AKT3: variants seen among roughly 807,000 people sequenced by gnomAD.
AKT3 encodes AKT serine/threonine kinase 3.
In AKT3, 15 loss-of-function variants were observed where a neutral mutation model predicts 65.3. That is an observed-to-expected ratio of 0.23 (90% CI 0.15 to 0.35). The LOEUF is 0.35. AKT3 is among the 10% of genes least tolerant of loss of function. AKT3 has a pLI of 1.00. For synonymous variants in AKT3, 206 were observed against 183.8 expected, an observed-to-expected ratio of 1.12 and a Z score of -0.98; for missense variants, 243 against 576.5, an observed-to-expected ratio of 0.42 and a Z score of 5.92.
intron 2 of AKT3, among the ~76,000 whole-genome samples, chr1:243,744,704 A>G (rs1000295548): frequency 6.8e-6 from 1 of 146,982 alleles, no homozygotes; most frequent in Non-Finnish European, 1.5e-5. Flanking sequence ...GCGCCCCTGC[A>G]CTCCAGCCTG....
At chr1:243,646,466 T>G (rs1344678483) in intron 4 of AKT3, among the ~76,000 whole-genome samples, 1 of 152,100 alleles carries the variant, frequency 6.6e-6, no homozygotes, top group Non-Finnish European at 1.5e-5. Flanking sequence ...GTGATTCTCC[T>G]GTCTCAGCCT....
intron 3 of AKT3, among the ~76,000 whole-genome samples, chr1:243,690,406 AT>A (rs1389828043): frequency 1.3e-5 from 2 of 152,188 alleles, no homozygotes; most frequent in Non-Finnish European, 2.9e-5. Context: ...ATCCTATATT[AT>A]TTTTTAAAGT....
chr1:243,701,164 T>C lies in AKT3; in HGVS notation c.47-5448A>G, dbSNP rs150274801. Among the ~76,000 whole-genome samples, 18 of 152,348 alleles carry C rather than the reference T, an allele frequency of 1.2e-4. 1 individual carries two copies. The East Asian group carries it at 3.5e-3, about 29-fold the overall frequency. On this transcript the variant is annotated intron_variant, in intron 2 of 13. Transcript: ENST00000673466. ...GGCAGAAGCTAGAAGTGTACATCTC[T>C]GGACTAAACAGTGATTGATTAAAAT...
chr1:243,491,321 TTTC>T (rs1288395485), intron 13 of AKT3, among the ~76,000 whole-genome samples: 7 of 152,240 alleles, frequency 4.6e-5, no homozygotes, highest in African/African-American at 1.4e-4. Flanking sequence ...CAGGTCTTTC[TTTC>T]TTCTTTTGCC....
intron 2 of AKT3, among the ~76,000 whole-genome samples, chr1:243,697,167 A>G (rs915443324): frequency 1.3e-5 from 2 of 152,050 alleles, no homozygotes; most frequent in African/African-American, 2.4e-5. Flanking sequence ...TTGAAAATAA[A>G]TTTATTACAT....
At chr1:243,784,091 T>C (rs1025565836) in intron 2 of AKT3, among the ~76,000 whole-genome samples, 1 of 152,058 alleles carries the variant, frequency 6.6e-6, no homozygotes, top group Non-Finnish European at 1.5e-5. Flanking sequence ...ATAAATGCTA[T>C]GAAAACAAAA....
At chr1:243,813,488 TA>T (rs1269429524) in intron 2 of AKT3, among the ~76,000 whole-genome samples, 13 of 125,740 alleles carry the variant, frequency 1.0e-4, no homozygotes, top group South Asian at 2.5e-4. Flanking sequence ...CCTATGGAAA[TA>T]AAAAAAAAAG....
chr1:243,808,313 A>C (rs1044597694), intron 2 of AKT3: 1 of 152,186 alleles, frequency 6.6e-6, no homozygotes, highest in Admixed American at 6.5e-5. Context: ...AACTAGAATA[A>C]CCAATGCAGA....
chr1:243,489,563 G>A (rs1665871910), intron 13 of AKT3, among the ~76,000 whole-genome samples: 1 of 152,196 alleles, frequency 6.6e-6, no homozygotes, highest in Non-Finnish European at 1.5e-5. Flanking sequence ...TAGCAAAGTC[G>A]TCTTGAATGG....
chr1:243,810,103 C>T (rs574740876), intron 2 of AKT3, among the ~76,000 whole-genome samples: 36 of 151,672 alleles, frequency 2.4e-4, no homozygotes, highest in Non-Finnish European at 1.5e-5. Flanking sequence ...ACTGACATCA[C>T]AATTAAAAGA....
chr1:243,584,853 C>T (rs530456492), intron 8 of AKT3, among the ~76,000 whole-genome samples: 1 of 152,250 alleles, frequency 6.6e-6, no homozygotes, highest in African/African-American at 2.4e-5. Flanking sequence ...TATGGATGCC[C>T]CCTCTCACCA....
chr1:243,828,800 G>A (rs1694328187), intron 2 of AKT3, among the ~76,000 whole-genome samples: 1 of 152,112 alleles, frequency 6.6e-6, no homozygotes, highest in South Asian at 2.1e-4. Flanking sequence ...TGACCGTGCA[G>A]GTGGTCTGTG....
At chr1:243,584,993 A>G (rs1453307738) in intron 8 of AKT3, among the ~76,000 whole-genome samples, 1 of 152,076 alleles carries the variant, frequency 6.6e-6, no homozygotes, top group African/African-American at 2.4e-5. Flanking sequence ...TTCGATACTC[A>G]GGAAACCCTA....
In AKT3 at chr1:243,633,785, C is replaced by T. The variant is rs567629755; in HGVS notation, c.561+3826G>A. The stretch of plus-strand genomic sequence containing the variant: ...AAAGGACCGAAGTCAGTCCTTATCA[C>T]GACTCACTTTAAACATAAATGGACT... On this transcript the variant is annotated intron_variant, in intron 6 of 13. Coordinates refer to ENST00000673466, the MANE Select transcript of AKT3 (RefSeq NM_005465.7). Among the ~76,000 whole-genome samples, 20 of 152,126 alleles carry T rather than the reference C, an allele frequency of 1.3e-4. No homozygotes were observed. The East Asian group carries it at 3.8e-3, about 29-fold the overall frequency.
chr1:243,843,176 C>T lies in AKT3; in HGVS notation c.-6G>A. The T allele has an allele frequency of 6.2e-7, 1 of 1,613,018 alleles. No homozygotes were observed. Among genetic ancestry groups the T allele is most frequent in the Non-Finnish European group, 8.5e-7 (1 of 1,179,468 alleles). On this transcript the variant is annotated 5_prime_UTR_variant, in exon 2 of 14. Coordinates refer to ENST00000673466, the MANE Select transcript of AKT3 (RefSeq NM_005465.7). Reference sequence around the variant, plus strand: ...ACAATGGTAACATCGCTCATGATGACTCCCCTCTGAGCCCCCAACTTGGAG... The same window carrying T: ...ACAATGGTAACATCGCTCATGATGATTCCCCTCTGAGCCCCCAACTTGGAG...
At chr1:243,809,464 A>G (rs1008525657) in intron 2 of AKT3, among the ~76,000 whole-genome samples, 6 of 152,248 alleles carry the variant, frequency 3.9e-5, no homozygotes, top group African/African-American at 1.2e-4. Flanking sequence ...AAAGGGATCA[A>G]TTCAACAAGA....
chr1:243,524,616 A>G (rs940904081), intron 12 of AKT3, among the ~76,000 whole-genome samples: 4 of 152,252 alleles, frequency 2.6e-5, no homozygotes, highest in Non-Finnish European at 5.9e-5. Flanking sequence ...GCTCTTTAGA[A>G]GGTTGCACAA....
At chr1:243,679,884 G>A (rs915688237) in intron 3 of AKT3, among the ~76,000 whole-genome samples, 1 of 152,104 alleles carries the variant, frequency 6.6e-6, no homozygotes, top group Admixed American at 6.6e-5. Context: ...CAGTAAATCT[G>A]TAAATAATAC....
intron 2 of AKT3, among the ~76,000 whole-genome samples, chr1:243,776,349 G>A (rs1380949966): frequency 2.6e-5 from 4 of 152,126 alleles, no homozygotes; most frequent in Non-Finnish European, 5.9e-5. Flanking sequence ...ATGTTGAAAC[G>A]CTAACCCCCT....
Sources: allele counts gnomAD v4.1 joint callset (sites outside exome capture counted in the v4.1 genomes callset), GRCh38; gene constraint gnomAD v4.1.1; transcripts MANE v1.5; gene names NCBI Gene and HGNC (gene_info 2026-07-23, HGNC 2026-07-21).